The following GULP1 variants were observed in gnomAD, a reference collection of about 807,000 sequenced individuals.
GULP1 encodes PTB domain-containing engulfment adapter protein 1.
GULP1 carries 19 observed loss-of-function variants against 40.9 expected under a neutral mutation model. The observed-to-expected ratio is 0.46, with a 90% CI of 0.32 to 0.68. The LOEUF is 0.68. Ranked by LOEUF, GULP1 falls within the 30% of genes least tolerant of loss-of-function variation. GULP1 has a pLI of 0.03. For synonymous variants in GULP1, 119 were observed against 117.6 expected, an observed-to-expected ratio of 1.01 and a Z score of -0.08; for missense variants, 312 against 362.2, an observed-to-expected ratio of 0.86 and a Z score of 1.12.
intron 4 of GULP1, among the ~76,000 whole-genome samples, chr2:188,514,950 C>T (rs1480855946): frequency 1.3e-5 from 2 of 152,168 alleles, no homozygotes; most frequent in Admixed American, 1.3e-4. Context: ...AGAATCCACT[C>T]ATTGCAGGAC....
chr2:188,468,484 C>T (rs975923057), intron 2 of GULP1, among the ~76,000 whole-genome samples: 5 of 152,006 alleles, frequency 3.3e-5, no homozygotes, highest in African/African-American at 1.2e-4. Context: ...ATTTGTAATT[C>T]AACATATATT....
chr2:188,343,351 T>A (rs947472976), intron 1 of GULP1, among the ~76,000 whole-genome samples: 1 of 150,724 alleles, frequency 6.6e-6, no homozygotes, highest in African/African-American at 2.4e-5. Flanking sequence ...CAATCAATAC[T>A]TTTTTTTTAC....
intron 2 of GULP1, among the ~76,000 whole-genome samples, chr2:188,407,149 T>C (rs2053232547): frequency 6.6e-6 from 1 of 152,140 alleles, no homozygotes; most frequent in South Asian, 2.1e-4. Context: ...ATATTTTACC[T>C]GGAAGAGCTC....
intron 2 of GULP1, among the ~76,000 whole-genome samples, chr2:188,405,776 C>T (rs958464278): frequency 6.6e-6 from 1 of 152,200 alleles, no homozygotes; most frequent in African/African-American, 2.4e-5. Context: ...ACCAAATGAT[C>T]TACTCAGAAT....
At chr2:188,369,483 C>G (rs929196018) in intron 1 of GULP1, among the ~76,000 whole-genome samples, 1 of 151,928 alleles carries the variant, frequency 6.6e-6, no homozygotes, top group Non-Finnish European at 1.5e-5. Context: ...TAAGAGAACC[C>G]GGGGAAGATG....
Position 188,559,347 on chromosome 2 carries a change from GA to G in GULP1, c.400-9890del, listed in dbSNP as rs1348178046. ...ATCCACGTCGTTTTGGACCTCCACA[GA>G]AGTCAATAATTGGGGTTTGAGAACC... On this transcript the variant is annotated intron_variant, in intron 7 of 11. Coordinates refer to ENST00000409830, the MANE Select transcript of GULP1 (RefSeq NM_016315.4). Among the ~76,000 whole-genome samples, 4 of 152,136 alleles carry G rather than the reference GA, an allele frequency of 2.6e-5. No individual in the cohort carries two copies. In the South Asian group the frequency reaches 6.2e-4, roughly 24 times the overall value.
chr2:188,334,785 G>A (rs1258190140), intron 1 of GULP1, among the ~76,000 whole-genome samples: 1 of 152,134 alleles, frequency 6.6e-6, no homozygotes, highest in Non-Finnish European at 1.5e-5. Flanking sequence ...TGTTTATTAG[G>A]GGAATAAAAG....
intron 2 of GULP1, among the ~76,000 whole-genome samples, chr2:188,456,331 A>G (rs2059259021): frequency 6.6e-6 from 1 of 152,148 alleles, no homozygotes; most frequent in Non-Finnish European, 1.5e-5. Context: ...AGGAAGAAAA[A>G]TCGGTTTTCT....
intron 2 of GULP1, among the ~76,000 whole-genome samples, chr2:188,402,732 C>T (rs4667224): frequency 0.99 from 151,257 of 152,094 alleles, 75,220 homozygotes; most frequent in East Asian, 1. Context: ...TTCTTTCCCC[C>T]TTCTAGAGTG....
chr2:188,559,740 G>T (rs574159363), intron 7 of GULP1, among the ~76,000 whole-genome samples: 1 of 152,240 alleles, frequency 6.6e-6, no homozygotes, highest in Non-Finnish European at 1.5e-5. Flanking sequence ...GAATGATATG[G>T]TTTGGCTCTG....
intron 2 of GULP1, among the ~76,000 whole-genome samples, chr2:188,447,653 C>T (rs1320760183): frequency 6.6e-6 from 1 of 152,100 alleles, no homozygotes; most frequent in Non-Finnish European, 1.5e-5. Context: ...TGAATTGCTA[C>T]CATTCTGAAA....
At chr2:188,330,635 G>A (rs910635853) in intron 1 of GULP1, among the ~76,000 whole-genome samples, 1 of 152,098 alleles carries the variant, frequency 6.6e-6, no homozygotes, top group Admixed American at 6.6e-5. Flanking sequence ...TGAATAAAAG[G>A]CAATTTGCAA....
At position 188,292,112 on chromosome 2, in the gene GULP1, C is replaced by T. The variant is rs938527116; in HGVS notation, c.-226C>T. 1 of 152,242 alleles carries T rather than the reference C, an allele frequency of 6.6e-6. No homozygotes were observed. Among genetic ancestry groups the T allele is most frequent in the African/African-American group, 2.4e-5 (1 of 41,444 alleles). 9.4% of individuals were successfully genotyped at this position (152,242 alleles called of 1,614,324 possible). ...TGGAGATCGCCAGGCTCGGAGGAACCGGCAGCTCTCCACGCCCCTGCCCGA... is the reference window on the plus strand; with the variant it reads ...TGGAGATCGCCAGGCTCGGAGGAACTGGCAGCTCTCCACGCCCCTGCCCGA... On this transcript the variant is annotated 5_prime_UTR_variant, in exon 1 of 12. Coordinates refer to ENST00000409830, the MANE Select transcript of GULP1 (RefSeq NM_016315.4). This position sits in a 1 kb window ranked among gnomAD's most constrained non-coding sequence, Gnocchi z 4.0.
chr2:188,483,150 G>A (rs1205092596), intron 3 of GULP1, among the ~76,000 whole-genome samples: 1 of 151,988 alleles, frequency 6.6e-6, no homozygotes, highest in Non-Finnish European at 1.5e-5. Flanking sequence ...ATTACTCATA[G>A]CCCACTGATG....
At chr2:188,549,954 A>G (rs1217497277) in intron 7 of GULP1, among the ~76,000 whole-genome samples, 1 of 151,786 alleles carries the variant, frequency 6.6e-6, no homozygotes, top group Non-Finnish European at 1.5e-5. Flanking sequence ...AGGGCAGGCT[A>G]GAAGAGGATG....
intron 1 of GULP1, among the ~76,000 whole-genome samples, chr2:188,353,015 A>G (rs1288272627): frequency 6.6e-6 from 1 of 152,138 alleles, no homozygotes; most frequent in Non-Finnish European, 1.5e-5. Context: ...TGGCAGAAAC[A>G]TGAGCTAAGT....
chr2:188,557,444 G>T (rs1005460625), intron 7 of GULP1, among the ~76,000 whole-genome samples: 3 of 152,200 alleles, frequency 2.0e-5, no homozygotes, highest in African/African-American at 7.2e-5. Flanking sequence ...CCAAAATCCA[G>T]CAGGGCAGTC....
chr2:188,337,914 T>C (rs1046629702), intron 1 of GULP1, among the ~76,000 whole-genome samples: 4 of 152,158 alleles, frequency 2.6e-5, no homozygotes, highest in African/African-American at 9.7e-5. Context: ...TTCCTGTCTG[T>C]GTCCGAGAAG....
At chr2:188,503,024 A>G (rs1459849449) in intron 4 of GULP1, among the ~76,000 whole-genome samples, 2 of 151,940 alleles carry the variant, frequency 1.3e-5, no homozygotes, top group Non-Finnish European at 1.5e-5. Context: ...GTATGGAGTC[A>G]TAAATCCATG....
Sources: gnomAD v4.1 joint callset for allele counts (sites outside exome capture counted in the v4.1 genomes callset) on GRCh38, gnomAD v4.1.1 for gene constraint, Gnocchi (gnomAD v3.1) non-coding constraint, MANE v1.5 for transcripts, NCBI Gene and HGNC (gene_info 2026-07-23, HGNC 2026-07-21) for gene names.